KCNJ15: variants seen among roughly 807,000 people sequenced by gnomAD.
KCNJ15 encodes potassium inwardly rectifying channel subfamily J member 15.
Under a neutral mutation model 23.0 loss-of-function variants are expected in KCNJ15, and 14 were observed. The observed-to-expected ratio is 0.61, with a 90% CI of 0.40 to 0.95. The LOEUF (loss-of-function observed/expected upper bound fraction) is 0.95, where lower values mean the gene tolerates loss of function less well. Ranked by LOEUF, KCNJ15 falls within the 40% of genes least tolerant of loss-of-function variation. The pLI, the probability that KCNJ15 is intolerant of heterozygous loss-of-function variation, is 0.00. For missense variants in KCNJ15, 388 were observed against 461.8 expected (o/e 0.84, Z 1.46); for synonymous variants, 185 against 183.2 (o/e 1.01, Z -0.08).
chr21:38,299,310 A>G lies in KCNJ15; in HGVS notation c.49A>G (p.Thr17Ala), dbSNP rs1408871772. The G allele has an allele frequency of 1.2e-6, 2 of 1,614,178 alleles. No individual in the cohort carries two copies. The highest frequency in any genetic ancestry group is 2.7e-5 in the African/African-American group (2 of 75,048). Residue 17 changes from threonine (T) to alanine (A), a missense_variant, in exon 3 of 3, where the codon ACT (threonine) becomes GCT (alanine). Thr to Ala is a moderately conservative substitution (Grantham distance 58, BLOSUM62 0). Coordinates refer to ENST00000398938, the MANE Select transcript of KCNJ15 (RefSeq NM_170736.3). This position sits in a 1 kb window ranked among gnomAD's most constrained non-coding sequence, Gnocchi z 4.5. ...GMSSTPLVKH[T>A]AGAGLKANRP... ...GTCCAGCACCCCCCTGGTGAAGCAC[A>G]CTGCTGGGGCTGGGCTCAAGGCCAA... is the stretch of plus-strand genomic sequence containing the variant.
intron 1 of KCNJ15, among the ~76,000 whole-genome samples, chr21:38,274,151 C>A (rs774632027): frequency 4.6e-5 from 7 of 152,194 alleles, no homozygotes; most frequent in Non-Finnish European, 8.8e-5. Flanking sequence ...CAGGCTGTTC[C>A]GCCTGGGCAA....
chr21:38,301,776 A>G lies in KCNJ15; in HGVS notation c.*1387A>G, dbSNP rs1446467004. The G allele has an allele frequency of 6.0e-6, 1 of 167,114 alleles. No individual in the cohort carries two copies. Among genetic ancestry groups the G allele is most frequent in the Non-Finnish European group, 1.5e-5 (1 of 68,112 alleles). 10.4% of individuals were successfully genotyped at this position (167,114 alleles called of 1,614,324 possible). A position where few individuals can be genotyped will look rare whatever the true frequency, so the allele number is the denominator to read the frequency against. On this transcript the variant is annotated 3_prime_UTR_variant, in exon 3 of 3. Coordinates refer to ENST00000398938, the MANE Select transcript of KCNJ15 (RefSeq NM_170736.3). The stretch of plus-strand genomic sequence containing the variant: ...CAAATTCAGGGGTCTAGTGCCCTGC[A>G]TTCCTTTGAGGCAAAAAATAAATGG...
intron 1 of KCNJ15, among the ~76,000 whole-genome samples, chr21:38,288,018 G>GTTTTTTCTTTTT (rs1569010852): frequency 3.8e-5 from 1 of 26,018 alleles, no homozygotes; most frequent in African/African-American, 9.6e-5. Context: ...TAAATAACTT[G>GTTTTTTCTTTTT]TTTTTTTCTT....
chr21:38,286,144 G>A (rs1983873253), intron 1 of KCNJ15, among the ~76,000 whole-genome samples: 2 of 152,178 alleles, frequency 1.3e-5, no homozygotes, highest in South Asian at 4.1e-4. Flanking sequence ...TTGGGAGGCT[G>A]AGGCAGAAGA....
At chr21:38,270,117 G>T (rs1255969476) in intron 1 of KCNJ15, among the ~76,000 whole-genome samples, 7 of 152,240 alleles carry the variant, frequency 4.6e-5, no homozygotes, top group African/African-American at 1.7e-4. Context: ...TTCAAGGCCT[G>T]TCAAGACTCA....
At chr21:38,258,140 ACACT>A (rs1470653791) in intron 1 of KCNJ15, among the ~76,000 whole-genome samples, 4 of 152,192 alleles carry the variant, frequency 2.6e-5, no homozygotes, top group Admixed American at 6.5e-5. Context: ...TCACAAGCAC[ACACT>A]CACACTCATG....
intron 1 of KCNJ15, among the ~76,000 whole-genome samples, chr21:38,273,176 T>G (rs982895001): frequency 2.6e-5 from 4 of 152,348 alleles, no homozygotes; most frequent in Middle Eastern, 3.4e-3. Flanking sequence ...TTATTGTATA[T>G]GAAAAGTGAC....
chr21:38,276,896 A>G (rs1423814141), intron 1 of KCNJ15, among the ~76,000 whole-genome samples: 1 of 152,136 alleles, frequency 6.6e-6, no homozygotes, highest in African/African-American at 2.4e-5. Flanking sequence ...TCAACTGCAT[A>G]CATATTTTAG....
chr21:38,253,515 C>T (rs1416402541), upstream of KCNJ15, among the ~76,000 whole-genome samples: 2 of 152,170 alleles, frequency 1.3e-5, no homozygotes, highest in African/African-American at 4.8e-5. Context: ...CTGCTAGATT[C>T]ATGGAAGATT....
chr21:38,238,235 G>T, intron 1 of KCNJ15: 1 of 591,068 alleles, frequency 1.7e-6, no homozygotes, highest in South Asian at 1.5e-5. Context: ...AGTCACGGAT[G>T]TAGCAGTTTT....
In KCNJ15 at chr21:38,305,339, A is replaced by G. The variant is rs1986022334; in HGVS notation, c.*4950A>G. The G allele has an allele frequency of 1.3e-5, 2 of 152,218 alleles. No individual in the cohort carries two copies. Among genetic ancestry groups the G allele is most frequent in the Non-Finnish European group, 2.9e-5 (2 of 68,034 alleles). The allele number at this position is 152,218 out of a possible 1,614,324, so 9.4% of individuals were successfully genotyped here. On this transcript the variant is annotated 3_prime_UTR_variant, in exon 3 of 3. Coordinates refer to ENST00000398938, the MANE Select transcript of KCNJ15 (RefSeq NM_170736.3). ...TTTATGGACATTCAGATATCCACAT[A>G]TTTGAGGGCAGGAATTTTTACTTTT... is the stretch of plus-strand genomic sequence containing the variant.
chr21:38,287,398 A>C (rs1389680918), intron 1 of KCNJ15, among the ~76,000 whole-genome samples: 1 of 152,190 alleles, frequency 6.6e-6, no homozygotes, highest in Non-Finnish European at 1.5e-5. Flanking sequence ...ACTCTTGAGC[A>C]TAAGTTTGCT....
chr21:38,299,837 G>A lies in KCNJ15; in HGVS notation c.576G>A (p.Lys192=). 3 of 1,614,056 alleles carry A rather than the reference G, an allele frequency of 1.9e-6. No homozygotes were observed. Among genetic ancestry groups the A allele is most frequent in the African/African-American group, 1.3e-5 (1 of 75,046 alleles). ...HCAVITKQNG[K]LCLVIQVANM... is the part of the protein sequence containing the mutation. ...CAGTCATCACCAAGCAGAATGGGAA[G>A]CTGTGCTTGGTGATTCAGGTAGCCA... Residue 192 remains lysine (K), a synonymous_variant, in exon 3 of 3, where the codon AAG becomes AAA. Coordinates refer to ENST00000398938, the MANE Select transcript of KCNJ15 (RefSeq NM_170736.3). The surrounding 1 kb of genome is among the most constrained non-coding windows in gnomAD (Gnocchi z 4.5).
chr21:38,288,925 C>T (rs28523741), intron 1 of KCNJ15, among the ~76,000 whole-genome samples: 35,040 of 152,068 alleles, frequency 0.23, 4,308 homozygotes, highest in East Asian at 0.34. Flanking sequence ...TTAAGCCGGG[C>T]GCGGTGGCTC....
intron 1 of KCNJ15, among the ~76,000 whole-genome samples, chr21:38,269,789 C>T (rs1223549464): frequency 6.6e-6 from 1 of 152,166 alleles, no homozygotes; most frequent in Non-Finnish European, 1.5e-5. Context: ...GAGGAGAGCA[C>T]AAAGTGTCCC....
intron 1 of KCNJ15, among the ~76,000 whole-genome samples, chr21:38,236,776 C>T (rs1235506245): frequency 6.6e-6 from 1 of 152,152 alleles, no homozygotes; most frequent in East Asian, 1.9e-4. Context: ...ATGTGTGGTA[C>T]AAGTATTATG....
chr21:38,246,196 A>G (rs1270296149), intron 1 of KCNJ15, among the ~76,000 whole-genome samples: 1 of 152,224 alleles, frequency 6.6e-6, no homozygotes, highest in Non-Finnish European at 1.5e-5. Flanking sequence ...CATCAGAGCT[A>G]AAACGAATCA....
At chr21:38,291,854 A>G (rs1186699931) in intron 1 of KCNJ15, 2 of 152,260 alleles carry the variant, frequency 1.3e-5, no homozygotes, top group Non-Finnish European at 2.9e-5. Flanking sequence ...ATGGATTCCA[A>G]CATACCTTGT....
chr21:38,298,920 G>C (rs1985450280), intron 2 of KCNJ15, among the ~76,000 whole-genome samples: 2 of 151,848 alleles, frequency 1.3e-5, no homozygotes, highest in African/African-American at 2.4e-5. Context: ...TTGTTTAATA[G>C]TAACAAAACC....
Sources: allele counts gnomAD v4.1 joint callset (sites outside exome capture counted in the v4.1 genomes callset), GRCh38; gene constraint gnomAD v4.1.1; non-coding constraint Gnocchi (gnomAD v3.1); transcripts MANE v1.5; gene names NCBI Gene and HGNC (gene_info 2026-07-23, HGNC 2026-07-21).